Variants in RAPGEF5 observed in about 807,000 individuals in gnomAD.
RAPGEF5 encodes Rap guanine nucleotide exchange factor 5.
RAPGEF5 carries 65 observed loss-of-function variants against 125.2 expected under a neutral mutation model. The observed-to-expected ratio is 0.52, with a 90% CI of 0.43 to 0.64. The LOEUF (loss-of-function observed/expected upper bound fraction) is 0.64, where lower values mean the gene tolerates loss of function less well. Ranked by LOEUF, RAPGEF5 falls within the 30% of genes least tolerant of loss-of-function variation. The pLI, the probability that RAPGEF5 is intolerant of heterozygous loss-of-function variation, is 0.00. For missense variants in RAPGEF5, 958 were observed against 1,048.1 expected (o/e 0.91, Z 1.19); for synonymous variants, 391 against 385.9 (o/e 1.01, Z -0.16).
intron 1 of RAPGEF5, among the ~76,000 whole-genome samples, chr7:22,342,054 G>T (rs1279955240): frequency 6.6e-6 from 1 of 152,178 alleles, no homozygotes. Flanking sequence ...CTCCATGAGG[G>T]CCCTGCTCCT....
intron 7 of RAPGEF5, among the ~76,000 whole-genome samples, chr7:22,236,950 T>C (rs1431806214): frequency 6.6e-6 from 1 of 152,210 alleles, no homozygotes; most frequent in Non-Finnish European, 1.5e-5. Flanking sequence ...GTGGAAGCCC[T>C]CAACCTGGCC....
intron 3 of RAPGEF5, among the ~76,000 whole-genome samples, chr7:22,312,429 G>A (rs1210644094): frequency 1.3e-5 from 2 of 152,008 alleles, no homozygotes; most frequent in African/African-American, 2.4e-5. Context: ...GGTTGGTCTC[G>A]AACTCCTGGC....
intron 11 of RAPGEF5, among the ~76,000 whole-genome samples, chr7:22,184,089 T>C (rs1562746931): frequency 6.6e-6 from 1 of 152,226 alleles, no homozygotes; most frequent in African/African-American, 2.4e-5. Context: ...GGTCAACCTT[T>C]TGTGGCAAAA....
chr7:22,278,238 T>A (rs10237665), intron 6 of RAPGEF5, among the ~76,000 whole-genome samples: 22,777 of 152,176 alleles, frequency 0.15, 1,751 homozygotes, highest in South Asian at 0.23. Context: ...TCTCAAGTCT[T>A]ACGATCTATC....
chr7:22,273,464 C>T (rs576025943), intron 6 of RAPGEF5, among the ~76,000 whole-genome samples: 13 of 152,180 alleles, frequency 8.5e-5, no homozygotes, highest in East Asian at 7.8e-4. Flanking sequence ...GTGATCCGCC[C>T]GCCTCGGCCT....
At chr7:22,325,525 G>C (rs1002303966) in intron 1 of RAPGEF5, among the ~76,000 whole-genome samples, 3 of 152,160 alleles carry the variant, frequency 2.0e-5, no homozygotes, top group African/African-American at 7.2e-5. Flanking sequence ...AGAGCTAGCT[G>C]AGTATACACA....
At chr7:22,129,384 A>G (rs1055059996) in intron 24 of RAPGEF5, among the ~76,000 whole-genome samples, 8 of 152,122 alleles carry the variant, frequency 5.3e-5, no homozygotes, top group Non-Finnish European at 1.0e-4. Context: ...TTGGCGTGAC[A>G]CACCTCATCC....
rs1400441460 is a variant in RAPGEF5, at chr7:22,154,553, T to C, written c.1688A>G (p.Lys563Arg). Residue 563 changes from lysine (K) to arginine (R), a missense_variant, in exon 17 of 26, where the codon AAA becomes AGA. Physicochemically the swap from Lys to Arg is conservative, Grantham distance 26 (BLOSUM62 2). Coordinates refer to ENST00000665637, the MANE Select transcript of RAPGEF5 (RefSeq NM_012294.5). ...TEHSYVSVKA[K>R]VSSIAQEILK... ...GATCTCTTGGGCTATACTGGAAACTTTTGCCTTCACACTGACATAGGAGTG... is the reference window on the plus strand; with the variant it reads ...GATCTCTTGGGCTATACTGGAAACTCTTGCCTTCACACTGACATAGGAGTG... The C allele has an allele frequency of 6.2e-7, 1 of 1,613,746 alleles. No individual in the cohort carries two copies. The highest frequency in any genetic ancestry group is 8.5e-7 in the Non-Finnish European group (1 of 1,179,808).
intron 7 of RAPGEF5, among the ~76,000 whole-genome samples, chr7:22,233,108 G>A (rs1786099521): frequency 6.6e-6 from 1 of 152,266 alleles, no homozygotes; most frequent in African/African-American, 2.4e-5. Context: ...AAAACTAGAG[G>A]CAAGACTATA....
intron 25 of RAPGEF5, among the ~76,000 whole-genome samples, chr7:22,122,748 C>G (rs191395776): frequency 6.6e-6 from 1 of 152,298 alleles, no homozygotes; most frequent in East Asian, 1.9e-4. Context: ...CATTTATTAC[C>G]TAACATTGTA....
chr7:22,160,162 A>G (rs1363342678), intron 14 of RAPGEF5, among the ~76,000 whole-genome samples: 1 of 152,130 alleles, frequency 6.6e-6, no homozygotes, highest in African/African-American at 2.4e-5. Context: ...TATTTATAAA[A>G]CTTTTCCTCC....
chr7:22,131,135 T>C, intron 23 of RAPGEF5, 34 bp from the exon 24 acceptor site: 3 of 1,512,302 alleles, frequency 2.0e-6, no homozygotes, highest in Non-Finnish European at 1.8e-6. Flanking sequence ...GTATGTATCA[T>C]TAGGAATGGA....
At chr7:22,161,644 A>C (rs1784004952) in intron 13 of RAPGEF5, among the ~76,000 whole-genome samples, 2 of 151,972 alleles carry the variant, frequency 1.3e-5, no homozygotes, top group South Asian at 4.2e-4. Flanking sequence ...TTGCTTTGCA[A>C]ACAACATGAG....
intron 7 of RAPGEF5, among the ~76,000 whole-genome samples, chr7:22,250,052 AC>A (rs1786580004): frequency 6.6e-6 from 1 of 152,226 alleles, no homozygotes; most frequent in Admixed American, 6.5e-5. Flanking sequence ...GGATTATTTT[AC>A]AAAGTATCTA....
chr7:22,283,035 C>G (rs2128145202), intron 6 of RAPGEF5, among the ~76,000 whole-genome samples: 1 of 133,510 alleles, frequency 7.5e-6, no homozygotes, highest in Non-Finnish European at 1.5e-5. Context: ...AAAAAATATT[C>G]TGTAAAAAAA....
chr7:22,187,950 AG>A (rs1231365007), intron 11 of RAPGEF5, among the ~76,000 whole-genome samples: 1 of 152,268 alleles, frequency 6.6e-6, no homozygotes, highest in Non-Finnish European at 1.5e-5. Flanking sequence ...CAACTGAATT[AG>A]GATCTCTGGA....
At chr7:22,353,792 A>C (rs1029954260) in intron 1 of RAPGEF5, among the ~76,000 whole-genome samples, 2 of 152,236 alleles carry the variant, frequency 1.3e-5, no homozygotes, top group Non-Finnish European at 2.9e-5. Flanking sequence ...CAACACAACT[A>C]GAAGTGACTG....
intron 16 of RAPGEF5, among the ~76,000 whole-genome samples, chr7:22,154,908 G>A (rs1158755762): frequency 6.6e-6 from 1 of 152,200 alleles, no homozygotes; most frequent in African/African-American, 2.4e-5. Flanking sequence ...TGTACTCACT[G>A]TAGAAACCAT....
intron 6 of RAPGEF5, among the ~76,000 whole-genome samples, chr7:22,272,368 GA>G (rs1056327387): frequency 2.5e-4 from 26 of 104,408 alleles, no homozygotes; most frequent in African/African-American, 6.7e-4. Flanking sequence ...AAAAAAGAAG[GA>G]AAAAAAAGAA....
Sources: allele counts gnomAD v4.1 joint callset (sites outside exome capture counted in the v4.1 genomes callset), GRCh38; gene constraint gnomAD v4.1.1; transcripts MANE v1.5; gene names NCBI Gene and HGNC (gene_info 2026-07-23, HGNC 2026-07-21).